CAMKMT: variants seen among roughly 807,000 people sequenced by gnomAD.
The protein encoded by CAMKMT is calmodulin-lysine N-methyltransferase, also known as CaM KMT.
Under a neutral mutation model 48.0 loss-of-function variants are expected in CAMKMT, and 53 were observed. That is an observed-to-expected ratio of 1.10 (90% CI 0.89 to 1.39). The LOEUF (loss-of-function observed/expected upper bound fraction) is 1.39. CAMKMT is among the 40% of genes most tolerant of loss of function. The pLI, the probability that CAMKMT is intolerant of heterozygous loss-of-function variation, is 0.00. For missense variants in CAMKMT, 428 were observed against 402.7 expected (o/e 1.06, Z -0.54); for synonymous variants, 165 against 152.3 (o/e 1.08, Z -0.61).
At chr2:44,475,110 A>C (rs183969390) in intron 3 of CAMKMT, among the ~76,000 whole-genome samples, 1 of 152,300 alleles carries the variant, frequency 6.6e-6, no homozygotes, top group South Asian at 2.1e-4. Context: ...TTAGTTTAAT[A>C]TCCATGTTCC....
At chr2:44,766,198 T>C (rs542790346) in intron 9 of CAMKMT, among the ~76,000 whole-genome samples, 2 of 152,346 alleles carry the variant, frequency 1.3e-5, no homozygotes, top group South Asian at 4.1e-4. Flanking sequence ...TAAGTATTAT[T>C]TGAAAAAGAT....
chr2:44,543,381 G>A (rs1276407318), intron 3 of CAMKMT, among the ~76,000 whole-genome samples: 1 of 152,132 alleles, frequency 6.6e-6, no homozygotes, highest in African/African-American at 2.4e-5. Context: ...TTAATAAAGA[G>A]AGCTCTGTTC....
At chr2:44,482,805 T>C (rs1029338676) in intron 3 of CAMKMT, among the ~76,000 whole-genome samples, 19 of 152,112 alleles carry the variant, frequency 1.2e-4, no homozygotes, top group African/African-American at 4.6e-4. Context: ...GGTAAATTAG[T>C]ATCATAAACA....
intron 3 of CAMKMT, among the ~76,000 whole-genome samples, chr2:44,563,134 A>G (rs1463383859): frequency 6.8e-6 from 1 of 146,510 alleles, no homozygotes; most frequent in East Asian, 1.9e-4. Flanking sequence ...CTTTTATTGA[A>G]TTAATTTTTA....
rs1256640455 is a variant in CAMKMT at position 44,618,027 on chromosome 2, T to A, written c.377-86256T>A. ...CATCATATCTGAGCTATTCTTTTCA[T>A]CTCCTTCCTGTTTCTTTGTATACAC... On this transcript the variant is annotated intron_variant, in intron 3 of 10. Coordinates refer to ENST00000378494, the MANE Select transcript of CAMKMT (RefSeq NM_024766.5). The surrounding 1 kb of genome is among the most constrained non-coding windows in gnomAD (Gnocchi z 4.0). Among the ~76,000 whole-genome samples the A allele has an allele frequency of 6.6e-6, 1 of 152,214 alleles. No homozygotes were observed. Among genetic ancestry groups the A allele is most frequent in the Admixed American group, 6.5e-5 (1 of 15,278 alleles).
At chr2:44,410,958 A>G (rs1437901065) in intron 3 of CAMKMT, among the ~76,000 whole-genome samples, 1 of 152,186 alleles carries the variant, frequency 6.6e-6, no homozygotes, top group Non-Finnish European at 1.5e-5. Context: ...CTAAAGTAAT[A>G]AATAACTTTT....
At chr2:44,417,192 GAC>G (rs1194636116) in intron 3 of CAMKMT, among the ~76,000 whole-genome samples, 4 of 151,962 alleles carry the variant, frequency 2.6e-5, no homozygotes, top group African/African-American at 9.7e-5. Flanking sequence ...AGGAGTTCAA[GAC>G]CAGCCTGACC....
chr2:44,369,104 G>A (rs968088410), intron 1 of CAMKMT, among the ~76,000 whole-genome samples: 10 of 151,966 alleles, frequency 6.6e-5, no homozygotes, highest in Admixed American at 1.3e-4. Flanking sequence ...GGCTGGTATC[G>A]AACTCCTGGC....
intron 3 of CAMKMT, among the ~76,000 whole-genome samples, chr2:44,495,110 G>T (rs1669693979): frequency 1.3e-5 from 2 of 152,130 alleles, no homozygotes; most frequent in Non-Finnish European, 2.9e-5. Flanking sequence ...CTTTTTTAAA[G>T]AAATAAATGC....
At chr2:44,761,546 T>C (rs1050710129) in intron 9 of CAMKMT, among the ~76,000 whole-genome samples, 3 of 152,242 alleles carry the variant, frequency 2.0e-5, no homozygotes, top group Admixed American at 2.0e-4. Flanking sequence ...TTAAACTAAA[T>C]GTGAGACTGG....
intron 3 of CAMKMT, among the ~76,000 whole-genome samples, chr2:44,589,958 A>G (rs1236132817): frequency 6.8e-6 from 1 of 147,916 alleles, no homozygotes; most frequent in Admixed American, 6.9e-5. Context: ...GCTGGTATAT[A>G]GAAATACAAC....
intron 3 of CAMKMT, among the ~76,000 whole-genome samples, chr2:44,501,296 T>C (rs549510443): frequency 1.1e-4 from 16 of 152,256 alleles, no homozygotes; most frequent in African/African-American, 3.8e-4. Flanking sequence ...TATCTTTCTT[T>C]TGAGAAAGCA....
intron 3 of CAMKMT, among the ~76,000 whole-genome samples, chr2:44,443,770 GTAACATGAAAATGT>G (rs1263895907): frequency 6.6e-6 from 1 of 152,158 alleles, no homozygotes; most frequent in East Asian, 1.9e-4. Flanking sequence ...ATACTGAATT[GTAACATGAAAATGT>G]TATGTTGTGC....
chr2:44,708,439 A>G (rs1018254648), intron 6 of CAMKMT, among the ~76,000 whole-genome samples: 4 of 151,882 alleles, frequency 2.6e-5, no homozygotes, highest in Admixed American at 2.6e-4. Flanking sequence ...GAGGAACGAG[A>G]AGCACAGTAG....
intron 3 of CAMKMT, among the ~76,000 whole-genome samples, chr2:44,531,194 C>G (rs1024980853): frequency 6.6e-6 from 1 of 151,894 alleles, no homozygotes; most frequent in Non-Finnish European, 1.5e-5. Flanking sequence ...AGTTTTTGTT[C>G]TGCGCGGTTT....
chr2:44,475,172 A>G (rs1427589902), intron 3 of CAMKMT, among the ~76,000 whole-genome samples: 1 of 152,132 alleles, frequency 6.6e-6, no homozygotes, highest in Non-Finnish European at 1.5e-5. Context: ...TTAATATCTG[A>G]TTTAAATTTT....
In CAMKMT at chr2:44,697,363, ATTAGGCTG is replaced by A. The variant is rs1159364793; in HGVS notation, c.377-6918_377-6911del. ...AAAGGAGCCTGGGATGATAGTGAAGATTAGGCTGTCAGCTGTGTACCAAGCATAGAGGG... is the reference window on the plus strand; with the variant it reads ...AAAGGAGCCTGGGATGATAGTGAAGATCAGCTGTGTACCAAGCATAGAGGG... On this transcript the variant is annotated intron_variant, in intron 3 of 10. Coordinates refer to ENST00000378494, the MANE Select transcript of CAMKMT (RefSeq NM_024766.5). Among the ~76,000 whole-genome samples, 3 of 152,028 alleles carry A rather than the reference ATTAGGCTG, an allele frequency of 2.0e-5. No individual in the cohort carries two copies. The East Asian group carries it at 5.8e-4, about 29-fold the overall frequency.
intron 9 of CAMKMT, among the ~76,000 whole-genome samples, chr2:44,756,142 C>T (rs1680368540): frequency 6.6e-6 from 1 of 152,198 alleles, no homozygotes; most frequent in South Asian, 2.1e-4. Flanking sequence ...TGAGCCTCCA[C>T]CCAAATGGAC....
chr2:44,562,089 G>A (rs866123225), intron 3 of CAMKMT, among the ~76,000 whole-genome samples: 5 of 152,288 alleles, frequency 3.3e-5, no homozygotes, highest in Middle Eastern at 3.4e-3. Context: ...AAACTGGGTA[G>A]GAGGTTTATT....
Sources: gnomAD v4.1 joint callset for allele counts (sites outside exome capture counted in the v4.1 genomes callset) on GRCh38, gnomAD v4.1.1 for gene constraint, Gnocchi (gnomAD v3.1) non-coding constraint, MANE v1.5 for transcripts, NCBI Gene and HGNC (gene_info 2026-07-23, HGNC 2026-07-21) for gene names.